Variants in TECRL observed in about 807,000 individuals in gnomAD.
TECRL encodes the protein trans-2,3-enoyl-CoA reductase like.
A neutral mutation model predicts 52.8 loss-of-function variants in TECRL; 63 were observed. The ratio of observed to expected loss-of-function variants is 1.19; its 90% CI spans 0.97 to 1.47. The LOEUF is 1.47. TECRL is among the 40% of genes most tolerant of loss of function. TECRL has a pLI of 0.00. For missense variants in TECRL, 482 were observed against 429.6 expected (o/e 1.12, Z -1.08); for synonymous variants, 164 against 141.9 (o/e 1.16, Z -1.10).
chr4:64,391,361 GT>G (rs373548303), intron 1 of TECRL, among the ~76,000 whole-genome samples: 417 of 151,840 alleles, frequency 2.7e-3, no homozygotes, highest in African/African-American at 9.3e-3. Context: ...GCACCAACTT[GT>G]TTTCACAGCT....
intron 7 of TECRL, 21 bp downstream of exon 7, chr4:64,305,145 T>C (rs1577837463): frequency 1.4e-5 from 23 of 1,587,916 alleles, no homozygotes; most frequent in East Asian, 2.2e-5. Flanking sequence ...ATACGGTTAG[T>C]TAAGAAGAAA....
intron 7 of TECRL, among the ~76,000 whole-genome samples, chr4:64,302,053 A>G (rs146884860): frequency 4.0e-5 from 6 of 151,432 alleles, no homozygotes; most frequent in Admixed American, 4.0e-4. Flanking sequence ...ACATTTATAT[A>G]TTAAGATTTT....
chr4:64,358,244 T>A (rs529322530), intron 2 of TECRL, among the ~76,000 whole-genome samples: 9 of 151,954 alleles, frequency 5.9e-5, no homozygotes, highest in African/African-American at 2.2e-4. Context: ...ACTGAAGAAG[T>A]TCACAAGGAT....
intron 3 of TECRL, among the ~76,000 whole-genome samples, chr4:64,326,854 A>G (rs1006410045): frequency 4.6e-5 from 7 of 152,088 alleles, no homozygotes; most frequent in Non-Finnish European, 1.0e-4. Context: ...AGAAGTCTCT[A>G]ATATTCATAT....
At chr4:64,305,971 T>G (rs147948725) in intron 6 of TECRL, among the ~76,000 whole-genome samples, 2 of 152,294 alleles carry the variant, frequency 1.3e-5, no homozygotes, top group South Asian at 2.1e-4. Flanking sequence ...CTCTCCAGTG[T>G]CCATGTTCCT....
chr4:64,402,023 AT>A (rs1276569332), intron 1 of TECRL, among the ~76,000 whole-genome samples: 7 of 152,102 alleles, frequency 4.6e-5, no homozygotes, highest in South Asian at 4.1e-4. Context: ...CATTTTTGCT[AT>A]TTTTTTATAT....
intron 6 of TECRL, among the ~76,000 whole-genome samples, chr4:64,308,724 T>C (rs144050018): frequency 6.6e-6 from 1 of 152,292 alleles, no homozygotes; most frequent in African/African-American, 2.4e-5. Flanking sequence ...AACTAAGGCA[T>C]AAGGAGATGG....
intron 1 of TECRL, among the ~76,000 whole-genome samples, chr4:64,401,140 C>T (rs903933131): frequency 2.6e-5 from 4 of 152,102 alleles, no homozygotes; most frequent in Admixed American, 6.6e-5. Flanking sequence ...TTATCTTCCA[C>T]GTAGTTGACA....
chr4:64,318,240 T>A (rs1717647268), intron 4 of TECRL, among the ~76,000 whole-genome samples: 1 of 151,914 alleles, frequency 6.6e-6, no homozygotes, highest in Non-Finnish European at 1.5e-5. Flanking sequence ...AATAAAAAAA[T>A]TAAAGATGCA....
At chr4:64,299,843 T>G in intron 8 of TECRL, 131 bp downstream of exon 8, 1 of 338,452 alleles carries the variant, frequency 3.0e-6, no homozygotes, top group Non-Finnish European at 5.3e-6. Flanking sequence ...ATTTACTTCA[T>G]TTTATATCAT....
In TECRL at chr4:64,409,316, G is replaced by A. The variant is rs181029762; in HGVS notation, c.36C>T (p.Arg12=). ...FKRHKSLASE[R]KRALLSQRAT... Reference sequence around the variant, plus strand: ...CTCTTTGGGAAAGTAATGCTCTCTTGCGTTCCGAAGCGAGGGACTTGTGCC... The same window carrying A: ...CTCTTTGGGAAAGTAATGCTCTCTTACGTTCCGAAGCGAGGGACTTGTGCC... Residue 12 remains arginine, a synonymous_variant, in exon 1 of 12, where the codon CGC becomes CGT. Transcript: ENST00000381210. The A allele has an allele frequency of 1.8e-4, 296 of 1,613,542 alleles. 1 individual carries two copies. The East Asian group carries it at 5.1e-3, about 28-fold the overall frequency.
intron 4 of TECRL, among the ~76,000 whole-genome samples, chr4:64,319,154 T>C (rs1004725812): frequency 2.6e-5 from 4 of 151,334 alleles, no homozygotes; most frequent in Non-Finnish European, 4.4e-5. Context: ...ATAGAAGATA[T>C]AAATACCAAA....
At chr4:64,338,163 C>G (rs557788363) in intron 2 of TECRL, among the ~76,000 whole-genome samples, 1 of 151,948 alleles carries the variant, frequency 6.6e-6, no homozygotes, top group South Asian at 2.1e-4. Context: ...ACAAACCTGA[C>G]AAAAACAAGA....
chr4:64,331,334 T>A (rs10015036), intron 2 of TECRL, among the ~76,000 whole-genome samples: 50,096 of 151,914 alleles, frequency 0.33, 9,460 homozygotes, highest in African/African-American at 0.52. Flanking sequence ...AAACTTTAGT[T>A]GTGTTCCACT....
chr4:64,314,091 A>G (rs1717292888), intron 5 of TECRL, among the ~76,000 whole-genome samples: 1 of 151,174 alleles, frequency 6.6e-6, no homozygotes, highest in Non-Finnish European at 1.5e-5. Flanking sequence ...CGGAGCGTGC[A>G]GTGAGCCGAG....
intron 1 of TECRL, among the ~76,000 whole-genome samples, chr4:64,401,624 C>A (rs1724366537): frequency 6.6e-6 from 1 of 152,076 alleles, no homozygotes; most frequent in South Asian, 2.1e-4. Flanking sequence ...CAATTAAATT[C>A]ATGCATTTTA....
intron 6 of TECRL, among the ~76,000 whole-genome samples, chr4:64,306,789 T>C (rs781107169): frequency 4.6e-5 from 7 of 152,176 alleles, no homozygotes; most frequent in Non-Finnish European, 1.0e-4. Context: ...CAGCAAGCAT[T>C]GAAGTGTGCA....
intron 2 of TECRL, among the ~76,000 whole-genome samples, chr4:64,355,415 TA>T (rs67458196): frequency 0.66 from 100,487 of 151,264 alleles, 34,669 homozygotes; most frequent in Non-Finnish European, 0.76. Context: ...CTCTCCAAAT[TA>T]AAAAAAAAAT....
intron 2 of TECRL, among the ~76,000 whole-genome samples, chr4:64,342,229 A>G (rs550831399): frequency 1.3e-5 from 2 of 152,256 alleles, no homozygotes; most frequent in African/African-American, 2.4e-5. Context: ...ACTTATGTCT[A>G]TTAAGATTTT....
Sources: allele counts gnomAD v4.1 joint callset (sites outside exome capture counted in the v4.1 genomes callset), GRCh38; gene constraint gnomAD v4.1.1; transcripts MANE v1.5; gene names NCBI Gene and HGNC (gene_info 2026-07-23, HGNC 2026-07-21).